Variants in EIF4EBP2 observed in about 807,000 individuals in gnomAD.
EIF4EBP2 encodes the protein eukaryotic translation initiation factor 4E-binding protein 2.
EIF4EBP2 carries 5 observed loss-of-function variants against 10.3 expected under a neutral mutation model. The observed-to-expected ratio is 0.48, with a 90% confidence interval of 0.25 to 1.02. The LOEUF (loss-of-function observed/expected upper bound fraction) is 1.02, where lower values mean the gene tolerates loss of function less well. Ranked by LOEUF, EIF4EBP2 falls within the 50% of genes least tolerant of loss-of-function variation. EIF4EBP2 has a pLI of 0.15. For synonymous variants in EIF4EBP2, 67 were observed against 61.1 expected (o/e 1.10, Z -0.45); for missense variants, 188 against 162.2 (o/e 1.16, Z -0.86).
chr10:70,420,136 C>G, intron 2 of EIF4EBP2, 37 bp downstream of exon 2: 1 of 1,531,502 alleles, frequency 6.5e-7, no homozygotes, highest in Non-Finnish European at 8.8e-7. Context: ...TAGAGCGTGG[C>G]TCTTGGAATT....
intron 1 of EIF4EBP2, among the ~76,000 whole-genome samples, chr10:70,417,568 C>T (rs1423870946): frequency 6.6e-6 from 1 of 152,212 alleles, no homozygotes; most frequent in Non-Finnish European, 1.5e-5. Context: ...CAGAGTTTCT[C>T]TTATACCTCA....
intron 1 of EIF4EBP2, among the ~76,000 whole-genome samples, chr10:70,418,301 G>C (rs1021604087): frequency 4.6e-5 from 7 of 152,216 alleles, no homozygotes; most frequent in Non-Finnish European, 8.8e-5. Context: ...CTAGCCTCCA[G>C]AACTATGAGA....
rs745436183 is a variant in EIF4EBP2, at chr10:70,420,080, C to T, written c.312C>T (p.His104=). The T allele has an allele frequency of 2.4e-5, 39 of 1,605,676 alleles. No individual in the cohort carries two copies. The highest frequency in any genetic ancestry group is 1.1e-4 in the South Asian group (10 of 89,042). The change falls in exon 2 of 3, where the codon CAC becomes CAT. Residue 104 remains histidine, a synonymous_variant. Transcript: ENST00000373218. ...EVNNLNNLNN[H]DRKHAVGDDA... ...ACAATTTGAACAACTTGAACAATCA[C>T]GACAGGAAACATGCAGTTGGTAAGA... is the stretch of plus-strand genomic sequence containing the variant.
Position 70,404,509 on chromosome 10 carries a change from C to T in EIF4EBP2, c.108C>T (p.Thr36=). The T allele has an allele frequency of 1.3e-6, 2 of 1,593,538 alleles. No homozygotes were observed. Among genetic ancestry groups the T allele is most frequent in the Non-Finnish European group, 1.7e-6 (2 of 1,172,778 alleles). ...CGCAGCTACCTCATGACTATTGCAC[C>T]ACGCCCGGGGGGACGCTCTTCTCCA... The part of the protein sequence containing the change: ...DAAQLPHDYC[T]TPGGTLFSTT... Residue 36 remains threonine (T), a synonymous_variant, in exon 1 of 3, where the codon ACC becomes ACT. Transcript: ENST00000373218.
In EIF4EBP2 at chr10:70,426,537, A is replaced by G. The variant is rs1290002374; in HGVS notation, c.*4790A>G. Reference sequence around the variant, plus strand: ...AGTGATCCGCCCACCTCAGCCTCCCAAAGTGCTGGGATTACAGGCGCGAGC... The same window carrying G: ...AGTGATCCGCCCACCTCAGCCTCCCGAAGTGCTGGGATTACAGGCGCGAGC... On this transcript the variant is annotated 3_prime_UTR_variant, in exon 3 of 3. Coordinates refer to ENST00000373218, the MANE Select transcript of EIF4EBP2 (RefSeq NM_004096.5). 1 of 152,204 alleles carries G rather than the reference A, an allele frequency of 6.6e-6. No homozygotes were observed. The highest frequency in any genetic ancestry group is 2.4e-5 in the African/African-American group (1 of 41,432). 9.4% of individuals were successfully genotyped at this position (152,204 alleles called of 1,614,324 possible). A position where few individuals can be genotyped will look rare whatever the true frequency, so the allele number is the denominator to read the frequency against.
rs542161830 is a variant in EIF4EBP2, at chr10:70,407,644, G to C, written c.145+3098G>C. Among the ~76,000 whole-genome samples the C allele has an allele frequency of 2.8e-3, 426 of 152,116 alleles. 1 individual carries two copies. Among genetic ancestry groups the C allele is most frequent in the African/African-American group, 9.9e-3 (413 of 41,518 alleles). On this transcript the variant is annotated intron_variant, in intron 1 of 2. Coordinates refer to ENST00000373218, the MANE Select transcript of EIF4EBP2 (RefSeq NM_004096.5). Reference sequence around the variant, plus strand: ...GAGCTGTTGAGTACACCTCCCAGATGGGGTGGTGGCCGGGCAGAGGGGCTC... The same window carrying C: ...GAGCTGTTGAGTACACCTCCCAGATCGGGTGGTGGCCGGGCAGAGGGGCTC...
intron 1 of EIF4EBP2, among the ~76,000 whole-genome samples, chr10:70,416,331 A>G (rs1664419046): frequency 1.3e-5 from 2 of 152,178 alleles, no homozygotes; most frequent in Admixed American, 6.5e-5. Context: ...CTGTAATCCT[A>G]ACACTTTGGG....
intron 1 of EIF4EBP2, 137 bp downstream of exon 1, chr10:70,404,683 C>G: frequency 8.4e-7 from 1 of 1,195,772 alleles, no homozygotes; most frequent in Non-Finnish European, 1.1e-6. Context: ...TGGGCCCGCC[C>G]GAGCGTTCGG....
At chr10:70,415,170 AAAG>A (rs1041188551) in intron 1 of EIF4EBP2, among the ~76,000 whole-genome samples, 5 of 151,604 alleles carry the variant, frequency 3.3e-5, no homozygotes, top group African/African-American at 9.7e-5. Context: ...AAAAAAAAAA[AAAG>A]AAAAGAAAAA....
At chr10:70,409,901 T>C (rs1845024493) in intron 1 of EIF4EBP2, among the ~76,000 whole-genome samples, 1 of 152,242 alleles carries the variant, frequency 6.6e-6, no homozygotes, top group East Asian at 1.9e-4. Flanking sequence ...GTAGCTCTTC[T>C]GCCTCTTGGA....
chr10:70,419,805 A>G, intron 1 of EIF4EBP2, 109 bp from the exon 2 acceptor site: 1 of 847,004 alleles, frequency 1.2e-6, no homozygotes, highest in Non-Finnish European at 1.8e-6. Context: ...TTGAATTGTA[A>G]AATCCTTAAA....
At position 70,426,181 on chromosome 10, in the gene EIF4EBP2, A is replaced by G. The variant is rs953965944; in HGVS notation, c.*4434A>G. 7.2e-5 allele frequency: 11 copies of G among 152,242 alleles called. No individual in the cohort carries two copies. The highest frequency in any genetic ancestry group is 2.4e-4 in the African/African-American group (10 of 41,466). 9.4% of individuals were successfully genotyped at this position (152,242 alleles called of 1,614,324 possible). A position where few individuals can be genotyped will look rare whatever the true frequency, so the allele number is the denominator to read the frequency against. ...TAAGACATTCTAGTGAATGGCTGCT[A>G]TGTGTTTCTGGCACTCATTCCTAAC... On this transcript the variant is annotated 3_prime_UTR_variant, in exon 3 of 3. Transcript: ENST00000373218.
intron 1 of EIF4EBP2, among the ~76,000 whole-genome samples, chr10:70,411,630 A>T (rs966584793): frequency 1.3e-5 from 2 of 152,056 alleles, no homozygotes; most frequent in East Asian, 1.9e-4. Flanking sequence ...AATTTTTAAA[A>T]TTTTTGTAAA....
At position 70,422,434 on chromosome 10, in the gene EIF4EBP2, C is replaced by T. The variant is rs1355525161; in HGVS notation, c.*687C>T. Reference sequence around the variant, plus strand: ...GTCTTCTGTCTTTGGTATTATAGTTCATCTTCCCATTCTTTTACTTAGTGC... The same window carrying T: ...GTCTTCTGTCTTTGGTATTATAGTTTATCTTCCCATTCTTTTACTTAGTGC... On this transcript the variant is annotated 3_prime_UTR_variant, in exon 3 of 3. Coordinates refer to ENST00000373218, the MANE Select transcript of EIF4EBP2 (RefSeq NM_004096.5). 6.6e-6 allele frequency: 1 copy of T among 152,212 alleles called. No individual in the cohort carries two copies. Among genetic ancestry groups the T allele is most frequent in the South Asian group, 2.1e-4 (1 of 4,828 alleles). 9.4% of individuals were successfully genotyped at this position (152,212 alleles called of 1,614,324 possible).
chr10:70,416,750 C>T (rs1211584131), intron 1 of EIF4EBP2, among the ~76,000 whole-genome samples: 1 of 150,622 alleles, frequency 6.6e-6, no homozygotes, highest in East Asian at 2.0e-4. Flanking sequence ...CTGTAACCTC[C>T]ATCTCCTGGG....
At chr10:70,413,549 A>G (rs888833066) in intron 1 of EIF4EBP2, among the ~76,000 whole-genome samples, 4 of 147,720 alleles carry the variant, frequency 2.7e-5, no homozygotes, top group Non-Finnish European at 5.9e-5. Flanking sequence ...TCAAGGTTGC[A>G]GTAAGCCGTG....
intron 1 of EIF4EBP2, among the ~76,000 whole-genome samples, chr10:70,419,556 CAG>C (rs1307342684): frequency 1.3e-5 from 2 of 149,710 alleles, no homozygotes; most frequent in Admixed American, 1.4e-4. Context: ...ATAAGAAACT[CAG>C]AGTCTATAAA....
chr10:70,426,051 A>G lies in EIF4EBP2; in HGVS notation c.*4304A>G, dbSNP rs1845203155. The G allele has an allele frequency of 6.6e-6, 1 of 152,202 alleles. No individual in the cohort carries two copies. 9.4% of individuals were successfully genotyped at this position (152,202 alleles called of 1,614,324 possible). A position where few individuals can be genotyped will look rare whatever the true frequency, so the allele number is the denominator to read the frequency against. Reference sequence around the variant, plus strand: ...CTCCTCTAAATCCAGTGCATAGGTTAACCCTGCATGCCCATTTCTTCCTGG... The same window carrying G: ...CTCCTCTAAATCCAGTGCATAGGTTGACCCTGCATGCCCATTTCTTCCTGG... On this transcript the variant is annotated 3_prime_UTR_variant, in exon 3 of 3. Transcript: ENST00000373218.
At chr10:70,411,332 C>A (rs1845041681) in intron 1 of EIF4EBP2, among the ~76,000 whole-genome samples, 1 of 152,010 alleles carries the variant, frequency 6.6e-6, no homozygotes, top group South Asian at 2.1e-4. Flanking sequence ...TAGTAATTGT[C>A]CTTTCGTAAA....
Sources: allele counts gnomAD v4.1 joint callset (sites outside exome capture counted in the v4.1 genomes callset), GRCh38; gene constraint gnomAD v4.1.1; transcripts MANE v1.5; gene names NCBI Gene and HGNC (gene_info 2026-07-23, HGNC 2026-07-21).